The following MYOM2 variants were observed in gnomAD, a reference collection of about 807,000 sequenced individuals.
The protein encoded by MYOM2 is myomesin 2.
MYOM2 carries 254 observed loss-of-function variants against 187.6 expected under a neutral mutation model. The ratio of observed to expected loss-of-function variants is 1.35; its 90% confidence interval spans 1.22 to 1.50. The LOEUF is 1.50. Ranked by LOEUF, MYOM2 falls within the 40% of genes most tolerant of loss-of-function variation. The pLI is 0.00. For synonymous variants in MYOM2, 981 were observed against 753.8 expected (o/e 1.30, Z -4.94); for missense variants, 2,796 against 1,924.0 (o/e 1.45, Z -8.48).
Position 2,085,509 on chromosome 8 carries a change from C to CGTGGCCCCCCACTGTTGTGATCTTT in MYOM2, c.1644+120_1644+121insTGGCCCCCCACTGTTGTGATCTTTG. 1.1e-5 allele frequency: 5 copies of CGTGGCCCCCCACTGTTGTGATCTTT among 447,348 alleles called. 1 individual carries two copies. The African/African-American group carries it at 2.3e-4, about 21-fold the overall frequency. The allele number at this position is 447,348 out of a possible 1,614,324, so 27.7% of individuals were successfully genotyped here. Reference sequence around the variant, plus strand: ...CGTGGCCCCTCACTGTTGTGATCTCCGCGTGGCCCCCCACTGTTGTGATCT... The same window carrying CGTGGCCCCCCACTGTTGTGATCTTT: ...CGTGGCCCCTCACTGTTGTGATCTCCGTGGCCCCCCACTGTTGTGATCTTTGCGTGGCCCCCCACTGTTGTGATCT... On this transcript the variant is annotated intron_variant, in intron 14 of 36. Coordinates refer to ENST00000262113, the MANE Select transcript of MYOM2 (RefSeq NM_003970.4).
chr8:2,074,015 CA>C (rs375965402), intron 10 of MYOM2, among the ~76,000 whole-genome samples: 52 of 152,348 alleles, frequency 3.4e-4, no homozygotes, highest in African/African-American at 1.1e-3. Context: ...GTGGCCATGA[CA>C]GCTGTCATCA....
chr8:2,134,322 G>C (rs778192305), intron 32 of MYOM2, among the ~76,000 whole-genome samples: 6 of 152,236 alleles, frequency 3.9e-5, no homozygotes, highest in African/African-American at 7.2e-5. Context: ...CCCTCTGTCT[G>C]GGTTTATCTG....
At chr8:2,110,481 C>G (rs112736349) in intron 25 of MYOM2, among the ~76,000 whole-genome samples, 57 of 152,274 alleles carry the variant, frequency 3.7e-4, no homozygotes, top group African/African-American at 1.2e-3. Context: ...AATAAATTTC[C>G]TCTTTTCTAA....
At position 2,117,924 on chromosome 8, in the gene MYOM2, A is replaced by G. The variant is rs1332897897; in HGVS notation, c.3425A>G (p.Glu1142Gly). The change falls in exon 28 of 37, where the codon GAA (glutamate) becomes GGA (glycine). Residue 1142 changes from glutamate (E) to glycine (G), a missense_variant. By Grantham distance (98) the Glu-to-Gly change is moderately conservative. Transcript: ENST00000262113. ...GAGTACTTGCACTGGGATGTCACGG[A>G]AGAATGTGAAGTTCGACTTGTTTGC... Reference protein sequence around the residue: ...FAEYLHWDVTEECEVRLVCKV... With the variant: ...FAEYLHWDVTGECEVRLVCKV... The G allele has an allele frequency of 6.2e-7, 1 of 1,613,216 alleles. No individual in the cohort carries two copies. Among genetic ancestry groups the G allele is most frequent in the South Asian group, 1.1e-5 (1 of 90,954 alleles).
At chr8:2,068,618 G>GA (rs1246912427) in intron 6 of MYOM2, among the ~76,000 whole-genome samples, 1 of 151,784 alleles carries the variant, frequency 6.6e-6, no homozygotes, top group African/African-American at 2.4e-5. Flanking sequence ...CATCCTGGGC[G>GA]CAGCTCTTCA....
rs1176917015 is a variant in MYOM2 at position 2,102,721 on chromosome 8, G to A, written c.2674G>A (p.Ala892Thr). The A allele has an allele frequency of 1.2e-6, 2 of 1,614,102 alleles. No homozygotes were observed. The highest frequency in any genetic ancestry group is 1.7e-5 in the Admixed American group (1 of 60,030). The change falls in exon 21 of 37, where the codon GCA (alanine) becomes ACA (threonine). Residue 892 changes from alanine to threonine, a missense_variant. Transcript: ENST00000262113. ...TGTCTTCAGGGTCCGGGCAGTCAAT[G>A]CAAATGGCGTGGGGAAGCCCTCAGA... ...TYVFRVRAVN[A>T]NGVGKPSDTS...
At chr8:2,059,712 C>A (rs963489812) in intron 6 of MYOM2, among the ~76,000 whole-genome samples, 1 of 150,288 alleles carries the variant, frequency 6.7e-6, no homozygotes, top group Admixed American at 6.6e-5. Flanking sequence ...GTATAGCTGG[C>A]ATTTCTTTTT....
At chr8:2,121,359 C>G (rs1406746470) in intron 28 of MYOM2, among the ~76,000 whole-genome samples, 2 of 152,076 alleles carry the variant, frequency 1.3e-5, no homozygotes, top group South Asian at 4.2e-4. Context: ...GGCGAGACCC[C>G]CGAGTTCTGC....
intron 34 of MYOM2, 29 bp from the exon 35 acceptor site, chr8:2,142,346 C>T (rs967886567): frequency 1.2e-6 from 2 of 1,610,224 alleles, no homozygotes; most frequent in Non-Finnish European, 1.7e-6. Flanking sequence ...TCTTTTCATT[C>T]TCTCCTTTCT....
intron 25 of MYOM2, among the ~76,000 whole-genome samples, chr8:2,114,024 G>A (rs950702310): frequency 3.9e-5 from 6 of 152,164 alleles, no homozygotes; most frequent in Admixed American, 2.6e-4. Context: ...GCTATTGGGG[G>A]AAGGGAGGCA....
chr8:2,076,122 T>C lies in MYOM2; in HGVS notation c.1121-19T>C. On this transcript the variant is annotated intron_variant, in intron 10 of 36. Coordinates refer to ENST00000262113, the MANE Select transcript of MYOM2 (RefSeq NM_003970.4). The stretch of plus-strand genomic sequence containing the variant: ...GCCTTTAAATGACAGGCGTGTGCCT[T>C]TTCTCTCCCTGCCCCAAGATGCTGA... The C allele has an allele frequency of 4.4e-6, 7 of 1,606,332 alleles. No individual in the cohort carries two copies. The highest frequency in any genetic ancestry group is 5.9e-6 in the Non-Finnish European group (7 of 1,177,266).
intron 32 of MYOM2, among the ~76,000 whole-genome samples, chr8:2,135,305 G>T (rs1798030388): frequency 6.6e-6 from 1 of 152,016 alleles, no homozygotes; most frequent in Non-Finnish European, 1.5e-5. Context: ...GCTTTCCAAA[G>T]TTACTTTATG....
rs1163047055 is a variant in MYOM2 at position 2,092,382 on chromosome 8, G to C, written c.1865G>C (p.Arg622Pro). 1 of 1,614,092 alleles carries C rather than the reference G, an allele frequency of 6.2e-7. No individual in the cohort carries two copies. Among genetic ancestry groups the C allele is most frequent in the Admixed American group, 1.7e-5 (1 of 60,016 alleles). ...PSAPGRVLAS[R>P]NTKTSVVVQW... ...GCTCCGGGTCGGGTTCTTGCTTCCC[G>C]AAACACCAAGACGTCGGTGGTGGTG... is the stretch of plus-strand genomic sequence containing the variant. The change falls in exon 16 of 37, where the codon CGA becomes CCA. Residue 622 changes from arginine (R) to proline (P), a missense_variant. By Grantham distance (103) the Arg-to-Pro change is moderately radical (BLOSUM62 -2). Transcript: ENST00000262113.
At position 2,126,449 on chromosome 8, in the gene MYOM2, G is replaced by C. The variant is rs1002586346; in HGVS notation, c.3694+2232G>C. 2.4e-4 allele frequency among the ~76,000 whole-genome samples: 36 copies of C among 151,934 alleles called. 1 individual carries two copies. Among genetic ancestry groups the C allele is most frequent in the Non-Finnish European group, 4.3e-4 (29 of 67,920 alleles). ...CATACACACACACTGACACACACCAGTGTACCCACACCCTACACACTCACA... is the reference window on the plus strand; with the variant it reads ...CATACACACACACTGACACACACCACTGTACCCACACCCTACACACTCACA... On this transcript the variant is annotated intron_variant, in intron 31 of 36. Transcript: ENST00000262113.
intron 32 of MYOM2, among the ~76,000 whole-genome samples, chr8:2,132,589 C>T (rs1237834121): frequency 8.7e-6 from 1 of 114,862 alleles, no homozygotes; most frequent in Admixed American, 9.4e-5. Flanking sequence ...CTTTCTCTCT[C>T]TCTCTCTCTT....
rs373294085 is a variant in MYOM2, at chr8:2,055,063, G to A, written c.264-2285G>A. Among the ~76,000 whole-genome samples the A allele has an allele frequency of 7.7e-5, 7 of 91,456 alleles. No homozygotes were observed. In the East Asian group the frequency reaches 2.1e-3, roughly 28 times the overall value. The allele number at this position is 91,456 out of a possible 152,430, so 60.0% of individuals were successfully genotyped here. A position where few individuals can be genotyped will look rare whatever the true frequency, so the allele number is the denominator to read the frequency against. On this transcript the variant is annotated intron_variant, in intron 3 of 36. Coordinates refer to ENST00000262113, the MANE Select transcript of MYOM2 (RefSeq NM_003970.4). ...CCAAGTACCTGGATACTGGGGGAAC[G>A]AAGTACCTGGATACTGGGGGAACGA...
rs760128072 is a variant in MYOM2 at position 2,092,402 on chromosome 8, G to T, written c.1885G>T (p.Val629Leu). The T allele has an allele frequency of 1.9e-6, 3 of 1,614,170 alleles. No homozygotes were observed. The highest frequency in any genetic ancestry group is 1.1e-5 in the South Asian group (1 of 91,086). ...TTCCCGAAACACCAAGACGTCGGTG[G>T]TGGTGCAGTGGGACCGACCTAAGCA... ...LASRNTKTSV[V>L]VQWDRPKHEE... Residue 629 changes from valine to leucine, a missense_variant, in exon 16 of 37, where the codon GTG (valine) becomes TTG (leucine). Transcript: ENST00000262113.
rs765275515 is a variant in MYOM2 at position 2,073,394 on chromosome 8, C to T, written c.1014C>T (p.Ala338=). The part of the protein sequence containing the change: ...WTKMFFGEGQ[A]SLSFSHLHKD... ...AGATGTTCTTTGGAGAAGGCCAGGCCTCCCTGTCCTTCAGCCACCTGCACA... is the reference window on the plus strand; with the variant it reads ...AGATGTTCTTTGGAGAAGGCCAGGCTTCCCTGTCCTTCAGCCACCTGCACA... The change falls in exon 10 of 37, where the codon GCC becomes GCT. Residue 338 remains alanine (A), a synonymous_variant. Transcript: ENST00000262113. The T allele has an allele frequency of 6.2e-7, 1 of 1,613,314 alleles. No homozygotes were observed.
Position 2,085,553 on chromosome 8 carries a change from ATGATCTCTGCGTGGCCCCACTGTTG to A in MYOM2, c.1644+187_1644+211del, listed in dbSNP as rs1485365234. Among the ~76,000 whole-genome samples the A allele has an allele frequency of 6.2e-3, 45 of 7,212 alleles. 15 individuals are homozygous for A. Among genetic ancestry groups the A allele is most frequent in the Non-Finnish European group, 8.5e-3 (40 of 4,716 alleles). The allele number at this position is 7,212 out of a possible 152,430, so 4.7% of individuals were successfully genotyped here. ...GTGATCTCTGCGTGGCCCCACTGTC[ATGATCTCTGCGTGGCCCCACTGTTG>A]TGATCTCTGCGTGGCCCCACTGTCG... On this transcript the variant is annotated intron_variant, in intron 14 of 36. Transcript: ENST00000262113.
Sources: gnomAD v4.1 joint callset for allele counts (sites outside exome capture counted in the v4.1 genomes callset) on GRCh38, gnomAD v4.1.1 for gene constraint, MANE v1.5 for transcripts, NCBI Gene and HGNC (gene_info 2026-07-23, HGNC 2026-07-21) for gene names.